Variants in TAFA2 observed in about 807,000 individuals in gnomAD.
The protein encoded by TAFA2 is chemokine-like protein TAFA-2.
In TAFA2, 7 loss-of-function variants were observed where a neutral mutation model predicts 18.8. The ratio of observed to expected loss-of-function variants is 0.37; its 90% CI spans 0.21 to 0.70. The LOEUF is 0.70. Ranked by LOEUF, TAFA2 falls within the 30% of genes least tolerant of loss-of-function variation. The pLI is 0.53. For synonymous variants in TAFA2, 60 were observed against 54.2 expected (o/e 1.11, Z -0.47); for missense variants, 122 against 158.1 (o/e 0.77, Z 1.23).
intron 1 of TAFA2, among the ~76,000 whole-genome samples, chr12:62,101,738 G>A (rs1263626587): frequency 6.6e-6 from 1 of 152,116 alleles, no homozygotes; most frequent in Admixed American, 6.6e-5. Flanking sequence ...TGTTTACTGA[G>A]TACCTACTCT....
At chr12:61,846,151 G>A (rs1873396070) in intron 2 of TAFA2, among the ~76,000 whole-genome samples, 1 of 152,120 alleles carries the variant, frequency 6.6e-6, no homozygotes, top group Non-Finnish European at 1.5e-5. Flanking sequence ...TGAAAAAATA[G>A]GGATTCTAGA....
At chr12:62,045,851 G>A (rs1209015895) in intron 1 of TAFA2, among the ~76,000 whole-genome samples, 8 of 152,184 alleles carry the variant, frequency 5.3e-5, no homozygotes, top group Admixed American at 5.2e-4. Flanking sequence ...CAGCAAGGAG[G>A]CTACCCTAAC....
intron 1 of TAFA2, among the ~76,000 whole-genome samples, chr12:61,936,819 C>A (rs961005420): frequency 6.6e-6 from 1 of 152,072 alleles, no homozygotes; most frequent in Non-Finnish European, 1.5e-5. Context: ...CTAGCCAGAG[C>A]AACCATGCAA....
rs1231671625 is a variant in TAFA2 at position 61,920,065 on chromosome 12, C to T, written c.-1-52639G>A. ...ATGGCAATTTTTGAAGTACTTGAAA[C>T]ATCAAACACTGCAAATAAAATATTT... is the stretch of plus-strand genomic sequence containing the variant. On this transcript the variant is annotated intron_variant, in intron 1 of 4. Coordinates refer to ENST00000416284, the MANE Select transcript of TAFA2 (RefSeq NM_178539.5). 2.0e-5 allele frequency among the ~76,000 whole-genome samples: 3 copies of T among 152,066 alleles called. No individual in the cohort carries two copies. In the South Asian group the frequency reaches 6.2e-4, roughly 32 times the overall value.
intron 4 of TAFA2, among the ~76,000 whole-genome samples, chr12:61,728,690 G>T (rs1222709036): frequency 1.3e-5 from 2 of 151,868 alleles, no homozygotes; most frequent in African/African-American, 2.4e-5. Context: ...CTGCCATTCT[G>T]CATATTTGAA....
intron 1 of TAFA2, among the ~76,000 whole-genome samples, chr12:62,198,974 T>G (rs919438706): frequency 6.6e-6 from 1 of 152,176 alleles, no homozygotes; most frequent in Non-Finnish European, 1.5e-5. Flanking sequence ...TAGGCAAATA[T>G]AACAAACCAC....
At chr12:61,896,338 A>G (rs1875842210) in intron 1 of TAFA2, among the ~76,000 whole-genome samples, 1 of 152,254 alleles carries the variant, frequency 6.6e-6, no homozygotes, top group Non-Finnish European at 1.5e-5. Flanking sequence ...GCCAAGATCT[A>G]ATTATATTAC....
chr12:61,827,430 C>G (rs1396583066), intron 2 of TAFA2, among the ~76,000 whole-genome samples: 1 of 151,942 alleles, frequency 6.6e-6, no homozygotes, highest in Non-Finnish European at 1.5e-5. Context: ...ATTACTTGTT[C>G]CTAGATATCA....
intron 1 of TAFA2, among the ~76,000 whole-genome samples, chr12:61,961,280 T>A (rs1419311314): frequency 6.6e-6 from 1 of 151,798 alleles, no homozygotes; most frequent in East Asian, 2.0e-4. Flanking sequence ...ACTCCAACAA[T>A]GGGGATCACA....
chr12:62,236,916 C>A (rs1404938974), intron 1 of TAFA2, among the ~76,000 whole-genome samples: 1 of 152,018 alleles, frequency 6.6e-6, no homozygotes, highest in Non-Finnish European at 1.5e-5. Flanking sequence ...TATTATACGC[C>A]TTGAGGTAGT....
intron 1 of TAFA2, among the ~76,000 whole-genome samples, chr12:61,997,400 T>C (rs1035330263): frequency 1.3e-5 from 2 of 152,014 alleles, no homozygotes; most frequent in Non-Finnish European, 2.9e-5. Context: ...CTATTAGTAA[T>C]GAGCTTGGTA....
intron 1 of TAFA2, among the ~76,000 whole-genome samples, chr12:62,185,150 T>C (rs2062577638): frequency 6.6e-6 from 1 of 152,228 alleles, no homozygotes; most frequent in Non-Finnish European, 1.5e-5. Context: ...CAATAATGTT[T>C]AAATACATAC....
intron 1 of TAFA2, among the ~76,000 whole-genome samples, chr12:61,988,354 A>G (rs141437740): frequency 7.1e-4 from 108 of 152,312 alleles, no homozygotes; most frequent in African/African-American, 2.5e-3. Flanking sequence ...TCCAAATTTT[A>G]TAATATTAAA....
In TAFA2 at chr12:61,867,420, A is replaced by G. The variant is rs922767184; in HGVS notation, c.6T>C (p.Ser2=). ...TTGTTGCTTTCTGTAAGTATCTCTT[A>G]CTCATCCTGCAAATAAAAAAATAAT... M[S]KRYLQKATKG... Residue 2 remains serine (S), a synonymous_variant, in exon 2 of 5, where the codon AGT becomes AGC. Transcript: ENST00000416284. The G allele has an allele frequency of 6.6e-7, 1 of 1,523,520 alleles. No individual in the cohort carries two copies. Among genetic ancestry groups the G allele is most frequent in the African/African-American group, 1.4e-5 (1 of 72,344 alleles). The allele number at this position is 1,523,520 out of a possible 1,614,324, so 94.4% of individuals were successfully genotyped here.
chr12:61,787,784 T>A (rs1159849186), intron 2 of TAFA2, among the ~76,000 whole-genome samples: 1 of 151,294 alleles, frequency 6.6e-6, no homozygotes, highest in Non-Finnish European at 1.5e-5. Flanking sequence ...AAGAGAGGAA[T>A]AAAAGAACAT....
At chr12:61,932,846 T>C (rs1877616928) in intron 1 of TAFA2, among the ~76,000 whole-genome samples, 2 of 152,178 alleles carry the variant, frequency 1.3e-5, no homozygotes, top group African/African-American at 4.8e-5. Flanking sequence ...TTTCCAGAGC[T>C]GCCTTCTTCC....
At chr12:62,037,384 C>A (rs1881637995) in intron 1 of TAFA2, among the ~76,000 whole-genome samples, 1 of 152,240 alleles carries the variant, frequency 6.6e-6, no homozygotes, top group Non-Finnish European at 1.5e-5. Flanking sequence ...AGGATTAAGT[C>A]TTCAACAGCT....
chr12:62,180,686 T>C (rs560724022), intron 1 of TAFA2, among the ~76,000 whole-genome samples: 1 of 152,220 alleles, frequency 6.6e-6, no homozygotes, highest in East Asian at 1.9e-4. Flanking sequence ...AATCAATAAA[T>C]ATCTGAGCAT....
chr12:61,782,572 T>C (rs1324444468), intron 2 of TAFA2, among the ~76,000 whole-genome samples: 2 of 151,718 alleles, frequency 1.3e-5, no homozygotes, highest in Admixed American at 6.6e-5. Context: ...CCTGTCCACT[T>C]TGGACTTATG....
Sources: gnomAD v4.1 joint callset for allele counts (sites outside exome capture counted in the v4.1 genomes callset) on GRCh38, gnomAD v4.1.1 for gene constraint, MANE v1.5 for transcripts, NCBI Gene and HGNC (gene_info 2026-07-23, HGNC 2026-07-21) for gene names.